Variants in PSD3 observed in about 807,000 individuals in gnomAD.
The protein encoded by PSD3 is PH and SEC7 domain-containing protein 3.
A neutral mutation model predicts 105.5 loss-of-function variants in PSD3; 49 were observed. The observed-to-expected ratio is 0.46, with a 90% CI of 0.37 to 0.59. PSD3 has a LOEUF of 0.59. Among genes scored for constraint, PSD3 ranks in the 20% least tolerant of loss-of-function variants. The probability of loss-of-function intolerance (pLI) is 0.00; values close to 1 mark genes in which losing one functional copy is unlikely to be tolerated. For missense variants in PSD3, 1,561 were observed against 1,263.8 expected, an observed-to-expected ratio of 1.24 and a Z score of -3.57; for synonymous variants, 557 against 457.8, an observed-to-expected ratio of 1.22 and a Z score of -2.77.
chr8:18,757,289 C>A (rs1806129625), intron 9 of PSD3, among the ~76,000 whole-genome samples: 1 of 147,960 alleles, frequency 6.8e-6, no homozygotes, highest in Admixed American at 6.9e-5. Flanking sequence ...CCTGTCTCTA[C>A]CAAAAATACA....
chr8:18,750,618 T>G (rs943101434), intron 9 of PSD3, among the ~76,000 whole-genome samples: 6 of 152,012 alleles, frequency 3.9e-5, no homozygotes, highest in African/African-American at 1.4e-4. Context: ...CAGCCTGCTT[T>G]TATTCTCTTA....
At chr8:19,055,762 T>C (rs1200566946) in intron 1 of PSD3, among the ~76,000 whole-genome samples, 1 of 152,196 alleles carries the variant, frequency 6.6e-6, no homozygotes, top group African/African-American at 2.4e-5. Flanking sequence ...AATTCACACC[T>C]CCTGCTGTGA....
intron 9 of PSD3, among the ~76,000 whole-genome samples, chr8:18,736,908 T>C (rs1207151610): frequency 6.6e-6 from 1 of 152,218 alleles, no homozygotes; most frequent in East Asian, 1.9e-4. Flanking sequence ...TCCAAATGAA[T>C]GCTAACATTA....
chr8:19,047,981 A>G (rs540881391), intron 1 of PSD3, among the ~76,000 whole-genome samples: 1 of 151,564 alleles, frequency 6.6e-6, no homozygotes, highest in Non-Finnish European at 1.5e-5. Flanking sequence ...TTCACCTTCT[A>G]CCTTTGCCTC....
intron 9 of PSD3, among the ~76,000 whole-genome samples, chr8:18,710,864 T>A (rs1802209699): frequency 6.6e-6 from 1 of 152,202 alleles, no homozygotes; most frequent in Admixed American, 6.5e-5. Context: ...GTATTTTTAG[T>A]AGAGATTGGG....
chr8:18,556,501 C>T, intron 14 of PSD3, 149 bp from the exon 15 acceptor site: 1 of 797,716 alleles, frequency 1.3e-6, no homozygotes, highest in South Asian at 1.8e-5. Flanking sequence ...TTCCAGCTTT[C>T]TCACGCCCCT....
At chr8:18,604,792 C>T (rs1352966809) in intron 11 of PSD3, among the ~76,000 whole-genome samples, 1 of 152,146 alleles carries the variant, frequency 6.6e-6, no homozygotes, top group African/African-American at 2.4e-5. Context: ...CCAGGTTCAG[C>T]CATGGCTCAA....
rs189488065 is a variant in PSD3, at chr8:18,737,059, T to C, written c.2172+28390A>G. Among the ~76,000 whole-genome samples, 251 of 152,320 alleles carry C rather than the reference T, an allele frequency of 1.6e-3. 2 individuals carry two copies. The highest frequency in any genetic ancestry group is 6.8e-3 in the Middle Eastern group (2 of 294). ...AAAGTCATCTGCTTTTGTGGTTTAGTTGTCCATTGGAATCACCTGGGGAGC... is the reference window on the plus strand; with the variant it reads ...AAAGTCATCTGCTTTTGTGGTTTAGCTGTCCATTGGAATCACCTGGGGAGC... On this transcript the variant is annotated intron_variant, in intron 9 of 15. Transcript: ENST00000327040.
intron 4 of PSD3, among the ~76,000 whole-genome samples, chr8:18,855,572 G>C (rs532638014): frequency 3.7e-4 from 56 of 152,290 alleles, no homozygotes; most frequent in African/African-American, 1.3e-3. Flanking sequence ...AGAAATACAG[G>C]TATGTCCTCA....
chr8:18,808,666 T>C (rs1003046389), intron 4 of PSD3: 1 of 1,549,504 alleles, frequency 6.5e-7, no homozygotes, highest in African/African-American at 1.4e-5. Context: ...TTCTGTCCAT[T>C]TCACAGTTTA....
In PSD3 at chr8:18,865,263, TATATATATATATATA is replaced by T. The variant is rs1816801112; in HGVS notation, c.1634+2396_1634+2410del. The T allele has an allele frequency of 8.4e-3, 59 of 7,056 alleles. 9 individuals are homozygous for T. Among genetic ancestry groups the T allele is most frequent in the South Asian group, 0.045 (6 of 132 alleles). The allele number at this position is 7,056 out of a possible 1,614,324, so 0.4% of individuals were successfully genotyped here. A position where few individuals can be genotyped will look rare whatever the true frequency, so the allele number is the denominator to read the frequency against. On this transcript the variant is annotated intron_variant, in intron 4 of 15. Coordinates refer to ENST00000327040, the MANE Select transcript of PSD3 (RefSeq NM_015310.4). ...ATATATATATATATATATATATATA[TATATATATATATATA>T]TATATATATTTTTTTTTTTTTTTTT...
At chr8:18,614,873 C>T (rs553479584) in intron 11 of PSD3, among the ~76,000 whole-genome samples, 19 of 151,724 alleles carry the variant, frequency 1.3e-4, no homozygotes, top group South Asian at 4.2e-4. Flanking sequence ...TGGGCTTAAG[C>T]GATCCTCCTG....
chr8:19,052,179 A>T (rs892759568), intron 1 of PSD3, among the ~76,000 whole-genome samples: 18 of 152,206 alleles, frequency 1.2e-4, no homozygotes, highest in African/African-American at 4.3e-4. Flanking sequence ...TCATTAAAGA[A>T]ATACAGAAAA....
intron 1 of PSD3, among the ~76,000 whole-genome samples, chr8:19,064,680 G>A (rs919273539): frequency 2.6e-5 from 4 of 152,212 alleles, no homozygotes; most frequent in Admixed American, 2.0e-4. Context: ...CTTTAAAAAC[G>A]TTAGGAATAA....
chr8:18,643,020 G>C (rs1375238906), intron 10 of PSD3, among the ~76,000 whole-genome samples: 1 of 152,188 alleles, frequency 6.6e-6, no homozygotes, highest in Non-Finnish European at 1.5e-5. Context: ...CCATATGAGA[G>C]AGCTGTCCTA....
In PSD3 at chr8:19,052,240, G is replaced by A. The variant is rs188368007; in HGVS notation, c.324+31966C>T. On this transcript the variant is annotated intron_variant, in intron 1 of 1. Coordinates refer to the PSD3 transcript ENST00000521475. ...TGTAATCCCAGCACTTTGGGAGGCC[G>A]GGGTGGGCGGATCCCAAGGTCAGGA... Among the ~76,000 whole-genome samples the A allele has an allele frequency of 1.6e-3, 238 of 152,204 alleles. 2 individuals carry two copies. Among genetic ancestry groups the A allele is most frequent in the African/African-American group, 5.4e-3 (223 of 41,540 alleles).
intron 2 of PSD3, among the ~76,000 whole-genome samples, chr8:18,891,102 A>G (rs1818757549): frequency 6.6e-6 from 1 of 152,156 alleles, no homozygotes; most frequent in Non-Finnish European, 1.5e-5. Flanking sequence ...CACACACCCA[A>G]TTAATTGTTT....
chr8:18,754,588 G>T (rs1805872172), intron 9 of PSD3, among the ~76,000 whole-genome samples: 1 of 152,010 alleles, frequency 6.6e-6, no homozygotes, highest in South Asian at 2.1e-4. Context: ...CCAGGGGGAG[G>T]ATCAGGTCAA....
chr8:18,758,856 T>C (rs1806275849), intron 9 of PSD3, among the ~76,000 whole-genome samples: 1 of 152,158 alleles, frequency 6.6e-6, no homozygotes, highest in Non-Finnish European at 1.5e-5. Flanking sequence ...ATCCTACATA[T>C]TCTTGGAACT....
Sources: allele counts gnomAD v4.1 joint callset (sites outside exome capture counted in the v4.1 genomes callset), GRCh38; gene constraint gnomAD v4.1.1; transcripts MANE v1.5; gene names NCBI Gene and HGNC (gene_info 2026-07-23, HGNC 2026-07-21).